The following HPSE2 variants were observed in gnomAD, a reference collection of about 807,000 sequenced individuals.
HPSE2 encodes heparanase 2 (inactive), also known as inactive heparanase-2.
Under a neutral mutation model 60.5 loss-of-function variants are expected in HPSE2, and 38 were observed. The ratio of observed to expected loss-of-function variants is 0.63; its 90% CI spans 0.48 to 0.82. The LOEUF is 0.82. Ranked by LOEUF, HPSE2 falls within the 40% of genes least tolerant of loss-of-function variation. HPSE2 has a pLI of 0.00. For synonymous variants in HPSE2, 295 were observed against 293.2 expected (o/e 1.01, Z -0.06); for missense variants, 713 against 740.4 (o/e 0.96, Z 0.43).
At chr10:98,913,102 C>T (rs1480006092) in intron 3 of HPSE2, among the ~76,000 whole-genome samples, 1 of 152,064 alleles carries the variant, frequency 6.6e-6, no homozygotes, top group African/African-American at 2.4e-5. Context: ...AAATAAAATA[C>T]ATAACTTTAA....
At chr10:98,539,519 TCAAA>T (rs560536661) in intron 9 of HPSE2, among the ~76,000 whole-genome samples, 86 of 152,128 alleles carry the variant, frequency 5.7e-4, no homozygotes, top group Middle Eastern at 3.4e-3. Flanking sequence ...AGACTCTGTC[TCAAA>T]CAAACAAACA....
intron 3 of HPSE2, among the ~76,000 whole-genome samples, chr10:98,990,759 A>T (rs1353637287): frequency 1.3e-5 from 2 of 152,346 alleles, no homozygotes; most frequent in African/African-American, 2.4e-5. Flanking sequence ...CAACAGGGAC[A>T]TTGGAGACAT....
At chr10:98,860,170 G>A (rs546758542) in intron 3 of HPSE2, among the ~76,000 whole-genome samples, 82 of 152,144 alleles carry the variant, frequency 5.4e-4, no homozygotes, top group South Asian at 3.9e-3. Context: ...TATTTATTCT[G>A]TTTCCCTGGA....
intron 2 of HPSE2, among the ~76,000 whole-genome samples, chr10:99,180,431 A>G (rs1847713349): frequency 6.6e-6 from 1 of 152,172 alleles, no homozygotes; most frequent in Non-Finnish European, 1.5e-5. Context: ...ACCCCATCAA[A>G]CAGTGGGTGA....
chr10:98,893,057 A>T (rs547446379), intron 3 of HPSE2, among the ~76,000 whole-genome samples: 1 of 151,358 alleles, frequency 6.6e-6, no homozygotes, highest in Non-Finnish European at 1.5e-5. Flanking sequence ...TTTTATTTTT[A>T]ATTTTATTTA....
chr10:98,862,053 C>T (rs987097583), intron 3 of HPSE2, among the ~76,000 whole-genome samples: 1 of 152,144 alleles, frequency 6.6e-6, no homozygotes, highest in Non-Finnish European at 1.5e-5. Flanking sequence ...TATTGGTTAA[C>T]AGACACAACA....
At chr10:99,249,175 G>C in the HPSE2 span, among the ~76,000 whole-genome samples, 1 of 152,198 alleles carries the variant, frequency 6.6e-6, no homozygotes, top group Admixed American at 6.5e-5. Flanking sequence ...ACCCCAGAAT[G>C]GTAGATGCGC....
At chr10:98,822,791 G>A (rs1006364652) in intron 3 of HPSE2, among the ~76,000 whole-genome samples, 12 of 152,276 alleles carry the variant, frequency 7.9e-5, no homozygotes, top group Middle Eastern at 6.8e-3. Context: ...ATCGGACAAT[G>A]AAAAGTTAAA....
At chr10:98,757,245 G>T (rs994051732) in intron 3 of HPSE2, among the ~76,000 whole-genome samples, 1 of 152,078 alleles carries the variant, frequency 6.6e-6, no homozygotes, top group East Asian at 1.9e-4. Flanking sequence ...ACAAAAGCTA[G>T]AAGCATTTCC....
intron 11 of HPSE2, among the ~76,000 whole-genome samples, chr10:98,478,574 A>C (rs1160699586): frequency 6.6e-6 from 1 of 152,198 alleles, no homozygotes; most frequent in East Asian, 1.9e-4. Flanking sequence ...CAGACCAGGC[A>C]AGCCTTTGGA....
intron 2 of HPSE2, among the ~76,000 whole-genome samples, chr10:99,160,764 T>C (rs940308479): frequency 4.7e-5 from 7 of 150,298 alleles, no homozygotes; most frequent in African/African-American, 9.7e-5. Flanking sequence ...CCGGGCGTAG[T>C]GGCGGGCGCC....
chr10:99,222,350 C>T (rs1195766277), intron 2 of HPSE2, among the ~76,000 whole-genome samples: 1 of 152,082 alleles, frequency 6.6e-6, no homozygotes, highest in Admixed American at 6.5e-5. Context: ...GTGTCTATAG[C>T]TGTGTTCCCT....
intron 3 of HPSE2, among the ~76,000 whole-genome samples, chr10:99,132,250 A>G (rs1031549353): frequency 2.1e-5 from 3 of 145,944 alleles, no homozygotes; most frequent in Non-Finnish European, 3.0e-5. Flanking sequence ...AGAGAAAGAA[A>G]GAAAGAAAGA....
the HPSE2 span, among the ~76,000 whole-genome samples, chr10:99,285,951 T>C: frequency 9.2e-5 from 14 of 151,698 alleles, no homozygotes; most frequent in African/African-American, 3.4e-4. Context: ...ACACACACAA[T>C]CAGCAGGCAC....
intron 9 of HPSE2, among the ~76,000 whole-genome samples, chr10:98,611,097 G>T (rs1025508496): frequency 3.3e-5 from 5 of 152,204 alleles, no homozygotes; most frequent in African/African-American, 4.8e-5. Context: ...GTGTTGGGGG[G>T]GGCCAGGGGA....
At chr10:99,123,384 C>T (rs1845034455) in intron 3 of HPSE2, among the ~76,000 whole-genome samples, 1 of 152,120 alleles carries the variant, frequency 6.6e-6, no homozygotes, top group African/African-American at 2.4e-5. Context: ...AAAACTGCAA[C>T]AATTAGATGT....
chr10:98,604,042 G>A (rs1183295032), intron 9 of HPSE2, among the ~76,000 whole-genome samples: 5 of 152,064 alleles, frequency 3.3e-5, no homozygotes, highest in East Asian at 1.9e-4. Flanking sequence ...CCTTACCACC[G>A]TATTACTAAA....
At chr10:99,091,664 G>A (rs528723091) in intron 3 of HPSE2, among the ~76,000 whole-genome samples, 1 of 152,192 alleles carries the variant, frequency 6.6e-6, no homozygotes, top group South Asian at 2.1e-4. Context: ...CCCTATTGTG[G>A]TACTTTTTGA....
intron 4 of HPSE2, among the ~76,000 whole-genome samples, chr10:98,724,064 C>G (rs1055980289): frequency 3.3e-5 from 5 of 151,996 alleles, no homozygotes; most frequent in South Asian, 2.1e-4. Context: ...GTTAGGGTGT[C>G]AATTTTAGAT....
Sources: allele counts gnomAD v4.1 joint callset (sites outside exome capture counted in the v4.1 genomes callset), GRCh38; gene constraint gnomAD v4.1.1; transcripts MANE v1.5; gene names NCBI Gene and HGNC (gene_info 2026-07-23, HGNC 2026-07-21).